Variants in RYR2 observed in about 807,000 individuals in gnomAD.
RYR2 encodes the protein ryanodine receptor 2, also known as cardiac muscle ryanodine receptor-calcium release channel.
Under a neutral mutation model 601.1 loss-of-function variants are expected in RYR2, and 227 were observed. The ratio of observed to expected loss-of-function variants is 0.38; its 90% confidence interval spans 0.34 to 0.42. The LOEUF is 0.42. Ranked by LOEUF, RYR2 falls within the 10% of genes least tolerant of loss-of-function variation. The pLI is 1.00. For synonymous variants in RYR2, 2,223 were observed against 2,175.1 expected, an observed-to-expected ratio of 1.02 and a Z score of -0.61; for missense variants, 4,646 against 6,156.5, an observed-to-expected ratio of 0.75 and a Z score of 8.21.
At chr1:237,634,861 T>C (rs769376353) in intron 43 of RYR2, 28 bp from the exon 44 acceptor site, 45 of 1,541,226 alleles carry the variant, frequency 2.9e-5, no homozygotes, top group Non-Finnish European at 3.6e-5. Flanking sequence ...CGATCCAGGT[T>C]ATATTTCATC....
chr1:237,309,736 C>T (rs1462588810), intron 2 of RYR2, among the ~76,000 whole-genome samples: 5 of 152,294 alleles, frequency 3.3e-5, no homozygotes, highest in South Asian at 4.1e-4. Context: ...GGGGGAGGCT[C>T]GGGCATGGCA....
In RYR2 at chr1:237,042,387, G is replaced by T; in HGVS notation, c.-135G>T. ...GCTCTGCAGGCGGGGACCGCCCGGCGCTCGGCACCCGGCAGCGCGGCCCCC... is the reference window on the plus strand; with the variant it reads ...GCTCTGCAGGCGGGGACCGCCCGGCTCTCGGCACCCGGCAGCGCGGCCCCC... On this transcript the variant is annotated 5_prime_UTR_variant, in exon 1 of 105. Coordinates refer to ENST00000366574, the MANE Select transcript of RYR2 (RefSeq NM_001035.3). 1 of 883,984 alleles carries T rather than the reference G, an allele frequency of 1.1e-6. No individual in the cohort carries two copies. The highest frequency in any genetic ancestry group is 1.5e-6 in the Non-Finnish European group (1 of 688,056). The allele number at this position is 883,984 out of a possible 1,614,324, so 54.8% of individuals were successfully genotyped here. A position where few individuals can be genotyped will look rare whatever the true frequency, so the allele number is the denominator to read the frequency against.
chr1:237,369,505 T>C (rs1700472397), intron 5 of RYR2, 29 bp from the exon 6 acceptor site: 3 of 1,541,178 alleles, frequency 1.9e-6, no homozygotes, highest in Non-Finnish European at 2.6e-6. Context: ...TTTTCTCTCT[T>C]GTTCTCCTTT....
chr1:237,103,079 G>C (rs1668301085), intron 1 of RYR2, among the ~76,000 whole-genome samples: 1 of 152,134 alleles, frequency 6.6e-6, no homozygotes, highest in Admixed American at 6.5e-5. Context: ...GGATGGAAAA[G>C]CTGGGAGCTC....
At chr1:237,522,200 G>A (rs1382587) in intron 24 of RYR2, among the ~76,000 whole-genome samples, 71,704 of 151,894 alleles carry the variant, frequency 0.47, 17,222 homozygotes, top group East Asian at 0.58. Flanking sequence ...TTGGATCAGG[G>A]CTGTCCAATC....
At position 237,756,747 on chromosome 1, in the gene RYR2, T is replaced by G. The variant is rs528606178; in HGVS notation, c.11245+360T>G. On this transcript the variant is annotated intron_variant, in intron 81 of 104. Transcript: ENST00000366574. Reference sequence around the variant, plus strand: ...AGGGTTATGCAACCTGTCACAGCTCTTCAACTGTGCCATGTTAGCAGGAAA... The same window carrying G: ...AGGGTTATGCAACCTGTCACAGCTCGTCAACTGTGCCATGTTAGCAGGAAA... Among the ~76,000 whole-genome samples, 47 of 152,336 alleles carry G rather than the reference T, an allele frequency of 3.1e-4. No individual in the cohort carries two copies. The South Asian group carries it at 9.3e-3, about 30-fold the overall frequency.
chr1:237,638,641 T>TATA (rs1681122879), intron 45 of RYR2, 149 bp downstream of exon 45: 2 of 871,788 alleles, frequency 2.3e-6, no homozygotes, highest in Non-Finnish European at 3.5e-6. Context: ...AGTAACCACT[T>TATA]ATAATACAAT....
At chr1:237,061,672 C>T (rs1338416571) in intron 1 of RYR2, among the ~76,000 whole-genome samples, 2 of 152,124 alleles carry the variant, frequency 1.3e-5, no homozygotes, top group Non-Finnish European at 2.9e-5. Context: ...TTGTTAGATA[C>T]GTCTATTGCA....
chr1:237,696,187 A>G (rs1687414060), intron 63 of RYR2, among the ~76,000 whole-genome samples: 5 of 152,218 alleles, frequency 3.3e-5, no homozygotes, highest in Admixed American at 3.3e-4. Flanking sequence ...TACCAAGTAC[A>G]AACACTGATA....
Position 237,070,031 on chromosome 1 carries a change from C to CT in RYR2, c.48+27478dup, listed in dbSNP as rs3056163. ...TTTGACATACCTGTTGGTGTTTTAA[C>CT]TTTTTTTTTTTTTTTTGGAGACACA... On this transcript the variant is annotated intron_variant, in intron 1 of 104. Transcript: ENST00000366574. Among the ~76,000 whole-genome samples, 942 of 135,750 alleles carry CT rather than the reference C, an allele frequency of 6.9e-3. 36 individuals are homozygous for CT. Among genetic ancestry groups the CT allele is most frequent in the African/African-American group, 0.018 (671 of 36,382 alleles). 89.1% of individuals were successfully genotyped at this position (135,750 alleles called of 152,430 possible). A position where few individuals can be genotyped will look rare whatever the true frequency, so the allele number is the denominator to read the frequency against.
At chr1:237,323,946 C>T (rs1695893624) in intron 2 of RYR2, among the ~76,000 whole-genome samples, 1 of 152,104 alleles carries the variant, frequency 6.6e-6, no homozygotes, top group African/African-American at 2.4e-5. Flanking sequence ...ATCTTTCCTT[C>T]TTGGAGGCAA....
chr1:237,797,952 A>G, intron 96 of RYR2, 85 bp from the exon 97 acceptor site: 1 of 1,239,000 alleles, frequency 8.1e-7, no homozygotes, highest in Non-Finnish European at 1.1e-6. Flanking sequence ...AGTAAGTATA[A>G]AAATAATTAG....
intron 1 of RYR2, among the ~76,000 whole-genome samples, chr1:237,081,516 T>C (rs938684654): frequency 6.7e-6 from 1 of 149,082 alleles, no homozygotes; most frequent in Admixed American, 6.7e-5. Flanking sequence ...CCCCCACATA[T>C]ATATATATAT....
At chr1:237,525,836 T>G (rs1449396564) in intron 24 of RYR2, among the ~76,000 whole-genome samples, 1 of 151,874 alleles carries the variant, frequency 6.6e-6, no homozygotes, top group Admixed American at 6.6e-5. Context: ...AAAAATTAGC[T>G]GGGTATGGTG....
chr1:237,546,465 C>G (rs1669813938), intron 25 of RYR2, among the ~76,000 whole-genome samples: 1 of 152,266 alleles, frequency 6.6e-6, no homozygotes, highest in South Asian at 2.1e-4. Flanking sequence ...GCAACCTCTG[C>G]CTCCCAGATT....
In RYR2 at chr1:237,788,071, G is replaced by A; in HGVS notation, c.13412G>A (p.Gly4471Glu). The change falls in exon 92 of 105, where the codon GGA becomes GAA. Residue 4471 changes from glycine (G) to glutamate (E), a missense_variant. This residue lies in a region of RYR2 where 364 missense variants were observed against 442.9 expected (regional missense o/e 0.82). Coordinates refer to ENST00000366574, the MANE Select transcript of RYR2 (RefSeq NM_001035.3). Reference protein sequence around the residue: ...KLRQLHTHRYGEPEVPESAFW... With the variant: ...KLRQLHTHRYEEPEVPESAFW... The stretch of plus-strand genomic sequence containing the variant: ...AGGCAGCTTCACACACACAGATACG[G>A]AGAACCAGAAGTGCCAGAGTCAGCA... The A allele has an allele frequency of 6.2e-7, 1 of 1,612,420 alleles. No homozygotes were observed. Among genetic ancestry groups the A allele is most frequent in the Non-Finnish European group, 8.5e-7 (1 of 1,179,092 alleles).
intron 13 of RYR2, among the ~76,000 whole-genome samples, chr1:237,443,544 TA>T (rs1362539940): frequency 1.3e-5 from 2 of 152,176 alleles, no homozygotes; most frequent in Non-Finnish European, 2.9e-5. Flanking sequence ...ATTCACAGAG[TA>T]AACCCTACTT....
chr1:237,237,919 T>C lies in RYR2; in HGVS notation c.49-32578T>C, dbSNP rs990221167. Reference sequence around the variant, plus strand: ...TCCCCTTTCCTTTTTCCTTTCCTTTTCCCTTTCCCTTTCCCCTTTCCTTTC... The same window carrying C: ...TCCCCTTTCCTTTTTCCTTTCCTTTCCCCTTTCCCTTTCCCCTTTCCTTTC... On this transcript the variant is annotated intron_variant, in intron 1 of 104. Transcript: ENST00000366574. Among the ~76,000 whole-genome samples the C allele has an allele frequency of 1.6e-3, 80 of 49,416 alleles. 1 individual carries two copies. The East Asian group carries it at 0.037, about 23-fold the overall frequency. The allele number at this position is 49,416 out of a possible 152,430, so 32.4% of individuals were successfully genotyped here. A position where few individuals can be genotyped will look rare whatever the true frequency, so the allele number is the denominator to read the frequency against.
chr1:237,205,785 G>A (rs1265156337), intron 1 of RYR2, among the ~76,000 whole-genome samples: 1 of 152,244 alleles, frequency 6.6e-6, no homozygotes, highest in Admixed American at 6.5e-5. Context: ...TGCAGCTGCA[G>A]CTGAGGCCCC....
Sources: gnomAD v4.1 joint callset for allele counts (sites outside exome capture counted in the v4.1 genomes callset) on GRCh38, gnomAD v4.1.1 for gene constraint, gnomAD v4.1.1 regional missense constraint, MANE v1.5 for transcripts, NCBI Gene and HGNC (gene_info 2026-07-23, HGNC 2026-07-21) for gene names.